Variants in SPMIP9 observed in about 807,000 individuals in gnomAD.
SPMIP9 encodes sperm microtubule inner protein 9.
At chr2:88,525,613 T>C in the SPMIP9 span, 1 of 1,614,082 alleles carries the variant, frequency 6.2e-7, no homozygotes, top group African/African-American at 1.3e-5. Context: ...AGAGCAGGGC[T>C]AAACAACTTG....
At chr2:88,528,263 G>A in the SPMIP9 span, among the ~76,000 whole-genome samples, 4 of 150,738 alleles carry the variant, frequency 2.7e-5, no homozygotes, top group Admixed American at 6.6e-5. Flanking sequence ...TCAGCCTCCC[G>A]AGTAGCTGGG....
chr2:88,527,430 C>T, the SPMIP9 span, among the ~76,000 whole-genome samples: 5 of 150,632 alleles, frequency 3.3e-5, no homozygotes, highest in East Asian at 2.0e-4. Flanking sequence ...GGAGGTGGGG[C>T]GAGACTCTAT....
the SPMIP9 span, chr2:88,526,469 A>G: frequency 6.2e-7 from 1 of 1,614,140 alleles, no homozygotes; most frequent in Non-Finnish European, 8.5e-7. Flanking sequence ...TACAGGAAGC[A>G]CAAATACTCC....
the SPMIP9 span, chr2:88,525,637 C>T: frequency 8.1e-6 from 13 of 1,614,000 alleles, no homozygotes; most frequent in Admixed American, 8.3e-5. Context: ...GTGTCTAGGT[C>T]GTTTGCCATG....
chr2:88,526,757 T>C, the SPMIP9 span, among the ~76,000 whole-genome samples: 61,533 of 151,756 alleles, frequency 0.41, 12,723 homozygotes, highest in South Asian at 0.53. Flanking sequence ...CTCTGCCGCC[T>C]GCCTGGATTC....
At chr2:88,527,483 T>A in the SPMIP9 span, among the ~76,000 whole-genome samples, 2 of 152,324 alleles carry the variant, frequency 1.3e-5, no homozygotes, top group East Asian at 3.9e-4. Flanking sequence ...TTCTAAAAAC[T>A]CATTTTACCT....
chr2:88,528,377 A>G, the SPMIP9 span, among the ~76,000 whole-genome samples: 2 of 152,094 alleles, frequency 1.3e-5, no homozygotes, highest in Admixed American at 1.3e-4. Context: ...TCCTCAAGTG[A>G]TCCACTCACC....
chr2:88,526,640 CTGTGCA>C, the SPMIP9 span: 3 of 690,452 alleles, frequency 4.3e-6, no homozygotes, highest in Non-Finnish European at 2.6e-6. Flanking sequence ...GAGATCTTTT[CTGTGCA>C]TGTGCATGTA....
chr2:88,527,660 C>T, the SPMIP9 span, among the ~76,000 whole-genome samples: 1 of 152,140 alleles, frequency 6.6e-6, no homozygotes, highest in African/African-American at 2.4e-5. Context: ...TTTGTCGTTT[C>T]TGTATCTGTC....
chr2:88,525,206 C>T, the SPMIP9 span, among the ~76,000 whole-genome samples: 1 of 152,180 alleles, frequency 6.6e-6, no homozygotes, highest in Non-Finnish European at 1.5e-5. Flanking sequence ...CTGTGCAACT[C>T]AGTGCCAATG....
chr2:88,528,948 GA>G, the SPMIP9 span: 1 of 1,222,218 alleles, frequency 8.2e-7, no homozygotes, highest in Non-Finnish European at 1.1e-6. Flanking sequence ...TTAAAGTTTT[GA>G]AAAAATAAAG....
the SPMIP9 span, among the ~76,000 whole-genome samples, chr2:88,528,700 A>T: frequency 6.6e-6 from 1 of 152,352 alleles, no homozygotes; most frequent in Admixed American, 6.5e-5. Context: ...AAAGTGTGGG[A>T]TGGAATATAA....
At chr2:88,525,720 G>C in the SPMIP9 span, 22 of 1,604,386 alleles carry the variant, frequency 1.4e-5, no homozygotes, top group South Asian at 2.2e-4. Context: ...GGGTTGGGTA[G>C]CCTCAGCAAG....
chr2:88,527,454 A>G, the SPMIP9 span, among the ~76,000 whole-genome samples: 4 of 152,182 alleles, frequency 2.6e-5, no homozygotes, highest in African/African-American at 4.8e-5. Context: ...CCCCAAAAAA[A>G]TCATTCCCTT....
chr2:88,527,471 T>G, the SPMIP9 span, among the ~76,000 whole-genome samples: 17 of 152,290 alleles, frequency 1.1e-4, no homozygotes, highest in Non-Finnish European at 2.1e-4. Context: ...CCTTATGTGT[T>G]TTTCTAAAAA....
At chr2:88,526,574 A>C in the SPMIP9 span, 10 of 1,149,594 alleles carry the variant, frequency 8.7e-6, no homozygotes, top group East Asian at 2.4e-5. Flanking sequence ...TGTATTACAA[A>C]TGTGGACATT....
the SPMIP9 span, chr2:88,525,706 C>A: frequency 1.9e-6 from 3 of 1,613,336 alleles, no homozygotes; most frequent in Non-Finnish European, 2.5e-6. Flanking sequence ...CTGTGACGGT[C>A]TCAGGGTTGG....
the SPMIP9 span, chr2:88,529,126 A>G: frequency 6.2e-7 from 1 of 1,614,182 alleles, no homozygotes; most frequent in Non-Finnish European, 8.5e-7. Context: ...CCAAGCTAAC[A>G]GATGGGTACC....
At chr2:88,529,046 C>A in the SPMIP9 span, 17 of 1,605,586 alleles carry the variant, frequency 1.1e-5, no homozygotes, top group Non-Finnish European at 1.4e-5. Context: ...TGATTTGTTT[C>A]CACAGCAGGC....
Sources: gnomAD v4.1 joint callset for allele counts (sites outside exome capture counted in the v4.1 genomes callset) on GRCh38, gnomAD v4.1.1 for gene constraint, MANE v1.5 for transcripts, NCBI Gene and HGNC (gene_info 2026-07-23, HGNC 2026-07-21) for gene names.